Variants in CYB5B observed in about 807,000 individuals in gnomAD.
CYB5B encodes cytochrome b5 type B (outer mitochondrial membrane).
A neutral mutation model predicts 21.3 loss-of-function variants in CYB5B; 14 were observed. That is an observed-to-expected ratio of 0.66 (90% CI 0.43 to 1.03). The LOEUF is 1.03. Ranked by LOEUF, CYB5B falls within the 50% of genes least tolerant of loss-of-function variation. The pLI, the probability that CYB5B is intolerant of heterozygous loss-of-function variation, is 0.00. For missense variants in CYB5B, 166 were observed against 185.1 expected (o/e 0.90, Z 0.60); for synonymous variants, 69 against 68.4 (o/e 1.01, Z -0.04).
intron 1 of CYB5B, among the ~76,000 whole-genome samples, chr16:69,427,728 G>T (rs908062419): frequency 6.6e-6 from 1 of 152,028 alleles, no homozygotes; most frequent in Non-Finnish European, 1.5e-5. Context: ...CTGGGTGTGG[G>T]CTCATACCTG....
At chr16:69,459,885 T>A (rs2015017691) in intron 4 of CYB5B, among the ~76,000 whole-genome samples, 2 of 152,190 alleles carry the variant, frequency 1.3e-5, no homozygotes, top group Non-Finnish European at 2.9e-5. Flanking sequence ...ATTAAGGGCT[T>A]AGGATCAGCG....
chr16:69,455,500 C>T (rs937406989), intron 3 of CYB5B, among the ~76,000 whole-genome samples: 2 of 149,050 alleles, frequency 1.3e-5, no homozygotes, highest in African/African-American at 5.0e-5. Context: ...CTCTGCCTCC[C>T]GGGTTCAAGC....
chr16:69,429,991 T>C (rs989814458), intron 1 of CYB5B, among the ~76,000 whole-genome samples: 58 of 152,190 alleles, frequency 3.8e-4, no homozygotes, highest in African/African-American at 1.3e-3. Context: ...AATTGAATTG[T>C]CTTTCCCTGG....
intron 1 of CYB5B, among the ~76,000 whole-genome samples, chr16:69,440,845 G>C (rs1171150382): frequency 6.7e-6 from 1 of 149,888 alleles, no homozygotes; most frequent in Non-Finnish European, 1.5e-5. Context: ...TTTTTAAAGA[G>C]ATAGTGTCTC....
At chr16:69,440,458 C>T (rs2014808185) in intron 1 of CYB5B, among the ~76,000 whole-genome samples, 1 of 152,194 alleles carries the variant, frequency 6.6e-6, no homozygotes, top group Admixed American at 6.5e-5. Flanking sequence ...TCCTCATCCC[C>T]AGAGGTACCC....
At chr16:69,448,011 T>C (rs931693342) in intron 2 of CYB5B, 104 bp from the exon 3 acceptor site, 24 of 1,198,358 alleles carry the variant, frequency 2.0e-5, no homozygotes, top group Non-Finnish European at 2.9e-5. Flanking sequence ...GGGAATTCAC[T>C]ATCACCAGAA....
rs2015075308 is a variant in CYB5B at position 69,465,052 on chromosome 16, G to T, written c.*2532G>T. ...TCCAAAAGGACCTTTTTTTTAGGAA[G>T]TAGACTTGAATTCACAAAACAGTCT... On this transcript the variant is annotated 3_prime_UTR_variant, in exon 5 of 5. Coordinates refer to ENST00000307892, the MANE Select transcript of CYB5B (RefSeq NM_030579.3). The T allele has an allele frequency of 6.6e-6, 1 of 152,168 alleles. No individual in the cohort carries two copies. Among genetic ancestry groups the T allele is most frequent in the South Asian group, 2.1e-4 (1 of 4,828 alleles). 9.4% of individuals were successfully genotyped at this position (152,168 alleles called of 1,614,324 possible). A position where few individuals can be genotyped will look rare whatever the true frequency, so the allele number is the denominator to read the frequency against.
intron 1 of CYB5B, among the ~76,000 whole-genome samples, chr16:69,427,235 C>CA (rs1255806412): frequency 6.7e-6 from 1 of 149,846 alleles, no homozygotes; most frequent in Non-Finnish European, 1.5e-5. Context: ...GACTCCATCT[C>CA]AAAAAAAGAA....
intron 1 of CYB5B, among the ~76,000 whole-genome samples, chr16:69,427,985 C>T (rs949853171): frequency 2.1e-5 from 3 of 144,710 alleles, no homozygotes; most frequent in African/African-American, 7.7e-5. Flanking sequence ...GACAGTCAGA[C>T]TCTGTCTCAA....
intron 3 of CYB5B, among the ~76,000 whole-genome samples, chr16:69,454,281 G>A (rs59651448): frequency 0.084 from 12,805 of 151,844 alleles, 585 homozygotes; most frequent in Middle Eastern, 0.12. Context: ...TTTATATAAC[G>A]GTTTGACTCT....
At chr16:69,425,164 G>C (rs962201344) in intron 1 of CYB5B, among the ~76,000 whole-genome samples, 17 of 152,184 alleles carry the variant, frequency 1.1e-4, no homozygotes, top group African/African-American at 3.9e-4. Flanking sequence ...GGAAACTGAG[G>C]CTCACAGGTT....
chr16:69,457,068 G>A (rs1003236013), intron 3 of CYB5B, among the ~76,000 whole-genome samples: 1 of 152,014 alleles, frequency 6.6e-6, no homozygotes, highest in African/African-American at 2.4e-5. Flanking sequence ...CCCCAGGGAT[G>A]GATTGATCTT....
intron 3 of CYB5B, among the ~76,000 whole-genome samples, chr16:69,454,627 G>C (rs1322469046): frequency 6.6e-6 from 1 of 152,130 alleles, no homozygotes; most frequent in Non-Finnish European, 1.5e-5. Context: ...TAAGTTACTG[G>C]CCACAGGGAT....
chr16:69,428,864 G>C (rs1488613119), intron 1 of CYB5B, among the ~76,000 whole-genome samples: 1 of 152,166 alleles, frequency 6.6e-6, no homozygotes, highest in Non-Finnish European at 1.5e-5. Flanking sequence ...CAAGTTCAAA[G>C]GCCTTGAGAT....
At chr16:69,448,059 G>C in intron 2 of CYB5B, 56 bp from the exon 3 acceptor site, 1 of 1,567,964 alleles carries the variant, frequency 6.4e-7, no homozygotes. Flanking sequence ...CAAGCATATA[G>C]TGAGAATTCA....
intron 1 of CYB5B, among the ~76,000 whole-genome samples, chr16:69,426,398 CA>C (rs72024712): frequency 0.07 from 5,669 of 80,464 alleles, 127 homozygotes; most frequent in Non-Finnish European, 0.094. Context: ...GATTCCATCT[CA>C]AAAAAAAAAA....
intron 1 of CYB5B, among the ~76,000 whole-genome samples, chr16:69,431,766 T>A (rs1457750290): frequency 2.0e-5 from 3 of 152,114 alleles, no homozygotes; most frequent in African/African-American, 7.2e-5. Context: ...CGAGACCCTG[T>A]CTCCAAACAA....
intron 1 of CYB5B, among the ~76,000 whole-genome samples, chr16:69,440,064 G>C (rs373325579): frequency 6.6e-6 from 1 of 151,508 alleles, no homozygotes; most frequent in Admixed American, 6.6e-5. Context: ...AATATAGATC[G>C]GGGTCTTGCT....
Position 69,424,886 on chromosome 16 carries a change from A to C in CYB5B, c.174+29A>C, listed in dbSNP as rs1392503416. 5 of 1,527,712 alleles carry C rather than the reference A, an allele frequency of 3.3e-6. No homozygotes were observed. In the African/African-American group the frequency reaches 7.0e-5, roughly 21 times the overall value. The allele number at this position is 1,527,712 out of a possible 1,614,324, so 94.6% of individuals were successfully genotyped here. On this transcript the variant is annotated intron_variant, in intron 1 of 4. Transcript: ENST00000307892. ...GGGCCTGGGAGGTGGGAGGCCTCTG[A>C]AGCTGCTGGGGCGAGGGGTGAAAAG...
Sources: allele counts gnomAD v4.1 joint callset (sites outside exome capture counted in the v4.1 genomes callset), GRCh38; gene constraint gnomAD v4.1.1; transcripts MANE v1.5; gene names NCBI Gene and HGNC (gene_info 2026-07-23, HGNC 2026-07-21).